The following IGSF11 variants were observed in gnomAD, a reference collection of about 807,000 sequenced individuals.
IGSF11 encodes CXADR like 1.
IGSF11 carries 22 observed loss-of-function variants against 41.0 expected under a neutral mutation model. The observed-to-expected ratio is 0.54, with a 90% CI of 0.38 to 0.77. The LOEUF (loss-of-function observed/expected upper bound fraction) is 0.77, where lower values mean the gene tolerates loss of function less well. Among genes scored for constraint, IGSF11 ranks in the 30% least tolerant of loss-of-function variants. The pLI is 0.00. For missense variants in IGSF11, 444 were observed against 530.8 expected, an observed-to-expected ratio of 0.84 and a Z score of 1.61; for synonymous variants, 219 against 201.3, an observed-to-expected ratio of 1.09 and a Z score of -0.74.
chr3:119,012,596 T>G (rs1300863024), intron 1 of IGSF11, among the ~76,000 whole-genome samples: 2 of 152,150 alleles, frequency 1.3e-5, no homozygotes, highest in Non-Finnish European at 1.5e-5. Flanking sequence ...ACCTCTCAGT[T>G]TTTCACATTT....
chr3:118,996,072 C>A (rs1936244301), intron 1 of IGSF11, among the ~76,000 whole-genome samples: 1 of 152,188 alleles, frequency 6.6e-6, no homozygotes, highest in African/African-American at 2.4e-5. Flanking sequence ...GCGTGAGCCA[C>A]CACGCATGGA....
chr3:119,106,274 C>T (rs2077021271), upstream of IGSF11, among the ~76,000 whole-genome samples: 1 of 152,134 alleles, frequency 6.6e-6, no homozygotes, highest in Admixed American at 6.5e-5. Flanking sequence ...TATAGTCACC[C>T]AGTTATACTA....
chr3:118,932,415 C>G (rs1471194210), intron 1 of IGSF11, among the ~76,000 whole-genome samples: 1 of 152,184 alleles, frequency 6.6e-6, no homozygotes, highest in South Asian at 2.1e-4. Flanking sequence ...CTTCCCTGTA[C>G]AGAACGTCAT....
At chr3:119,086,574 C>A (rs2076678792) in intron 1 of IGSF11, among the ~76,000 whole-genome samples, 1 of 152,128 alleles carries the variant, frequency 6.6e-6, no homozygotes, top group Non-Finnish European at 1.5e-5. Flanking sequence ...GACCTCTCAG[C>A]AGGAACTTAT....
At chr3:119,142,608 A>G (rs2077664470) in intron 1 of IGSF11, among the ~76,000 whole-genome samples, 1 of 152,124 alleles carries the variant, frequency 6.6e-6, no homozygotes, top group African/African-American at 2.4e-5. Flanking sequence ...CCTATAAGAC[A>G]CCCTTAAGTG....
upstream of IGSF11, among the ~76,000 whole-genome samples, chr3:119,039,359 C>T (rs1227828557): frequency 6.6e-6 from 1 of 152,082 alleles, no homozygotes; most frequent in Admixed American, 6.5e-5. Context: ...GGCTCATGGT[C>T]CCCTTCTTCT....
intron 1 of IGSF11, among the ~76,000 whole-genome samples, chr3:118,941,909 C>T (rs959618700): frequency 1.3e-5 from 2 of 151,858 alleles, no homozygotes; most frequent in African/African-American, 2.4e-5. Context: ...AAAAAATCTA[C>T]GGAGAAAGCA....
chr3:119,116,967 G>T (rs1338177016), intron 1 of IGSF11, among the ~76,000 whole-genome samples: 1 of 151,856 alleles, frequency 6.6e-6, no homozygotes, highest in Non-Finnish European at 1.5e-5. Flanking sequence ...GCAAGCACCT[G>T]GTACCTGGCC....
chr3:119,031,931 A>G (rs1221913225), intron 1 of IGSF11, among the ~76,000 whole-genome samples: 2 of 152,200 alleles, frequency 1.3e-5, no homozygotes, highest in South Asian at 2.1e-4. Context: ...TCAAATTCTG[A>G]AAAGTTATCT....
chr3:119,064,916 T>C (rs548615302), intron 1 of IGSF11, among the ~76,000 whole-genome samples: 12 of 152,320 alleles, frequency 7.9e-5, no homozygotes, highest in East Asian at 3.9e-4. Context: ...AGTTTGACTA[T>C]AGATTCTTTT....
chr3:119,111,609 T>C (rs1244708929), intron 1 of IGSF11, among the ~76,000 whole-genome samples: 6 of 152,260 alleles, frequency 3.9e-5, no homozygotes, highest in Non-Finnish European at 8.8e-5. Flanking sequence ...TCATTCTCCG[T>C]CCAGCTTTGT....
At chr3:118,958,506 C>T (rs1249094764) in intron 1 of IGSF11, among the ~76,000 whole-genome samples, 1 of 152,012 alleles carries the variant, frequency 6.6e-6, no homozygotes, top group East Asian at 1.9e-4. Context: ...CATTAGTCTC[C>T]AACTTTCCCT....
chr3:119,099,815 G>A (rs1304071969), intron 1 of IGSF11, among the ~76,000 whole-genome samples: 2 of 152,156 alleles, frequency 1.3e-5, no homozygotes, highest in Non-Finnish European at 2.9e-5. Flanking sequence ...AAAACATTTT[G>A]CTGTATATTA....
Position 119,050,036 on chromosome 3 carries a change from C to T in IGSF11, c.49+55108G>A, listed in dbSNP as rs796313646. ...AAGACTTAAACGTTAGACCTAAAAC[C>T]ATAAAAACCCTAGAAGAAAACCTAG... On this transcript the variant is annotated intron_variant, in intron 1 of 6. Coordinates refer to the IGSF11 transcript ENST00000354673. Among the ~76,000 whole-genome samples, 30 of 147,164 alleles carry T rather than the reference C, an allele frequency of 2.0e-4. No homozygotes were observed. The South Asian group carries it at 6.6e-3, about 32-fold the overall frequency.
At chr3:119,027,669 T>C (rs187899200) in intron 1 of IGSF11, among the ~76,000 whole-genome samples, 1 of 152,306 alleles carries the variant, frequency 6.6e-6, no homozygotes, top group Admixed American at 6.5e-5. Flanking sequence ...ACAGTATCAA[T>C]AGACATAAAC....
chr3:118,948,736 C>A (rs775966197), intron 1 of IGSF11, among the ~76,000 whole-genome samples: 1 of 152,038 alleles, frequency 6.6e-6, no homozygotes, highest in East Asian at 1.9e-4. Context: ...GAGGCCAAGG[C>A]AGGCAGATCA....
chr3:119,080,457 T>C (rs984198384), intron 1 of IGSF11, among the ~76,000 whole-genome samples: 5 of 152,184 alleles, frequency 3.3e-5, no homozygotes, highest in African/African-American at 1.2e-4. Context: ...AGACTATCCA[T>C]ACAATTTCAG....
rs956019341 is a variant in IGSF11, at chr3:119,034,811, C to T, written c.-229G>A. ...GAGCTGTGACCAGAGGCGTTCCGGG[C>T]TCGCCAGCCGTGCCACCCAGCCCTG... On this transcript the variant is annotated 5_prime_UTR_variant, in exon 1 of 7. Transcript: ENST00000393775. 2.4e-6 allele frequency: 3 copies of T among 1,258,112 alleles called. No individual in the cohort carries two copies. Among genetic ancestry groups the T allele is most frequent in the South Asian group, 5.9e-5 (2 of 33,900 alleles). The allele number at this position is 1,258,112 out of a possible 1,614,324, so 77.9% of individuals were successfully genotyped here. A position where few individuals can be genotyped will look rare whatever the true frequency, so the allele number is the denominator to read the frequency against.
chr3:119,003,708 C>A (rs1276658378), intron 1 of IGSF11, among the ~76,000 whole-genome samples: 1 of 151,872 alleles, frequency 6.6e-6, no homozygotes, highest in Non-Finnish European at 1.5e-5. Context: ...TTTTCTGCAT[C>A]TATTGAGATA....
Sources: gnomAD v4.1 joint callset for allele counts (sites outside exome capture counted in the v4.1 genomes callset) on GRCh38, gnomAD v4.1.1 for gene constraint, MANE v1.5 for transcripts, NCBI Gene and HGNC (gene_info 2026-07-23, HGNC 2026-07-21) for gene names.